The following PARK7 variants were observed in gnomAD, a reference collection of about 807,000 sequenced individuals.
PARK7 encodes Parkinsonism associated deglycase.
A neutral mutation model predicts 20.5 loss-of-function variants in PARK7; 14 were observed. The observed-to-expected ratio is 0.68, with a 90% CI of 0.45 to 1.07. The LOEUF is 1.07. Ranked by LOEUF, PARK7 falls within the 50% of genes least tolerant of loss-of-function variation. PARK7 has a pLI of 0.00. For missense variants in PARK7, 234 were observed against 238.1 expected, an observed-to-expected ratio of 0.98 and a Z score of 0.11; for synonymous variants, 98 against 84.3, an observed-to-expected ratio of 1.16 and a Z score of -0.89.
intron 3 of PARK7, among the ~76,000 whole-genome samples, chr1:7,966,798 T>C (rs1640340546): frequency 6.6e-6 from 1 of 152,234 alleles, no homozygotes; most frequent in African/African-American, 2.4e-5. Context: ...GTGGTTACCT[T>C]TATTTTCAAT....
chr1:7,964,255 C>G (rs932594987), intron 2 of PARK7, among the ~76,000 whole-genome samples: 3 of 152,130 alleles, frequency 2.0e-5, no homozygotes, highest in African/African-American at 7.2e-5. Context: ...GCCGATAAAC[C>G]TTACAACAAT....
chr1:7,966,115 A>G (rs1640321767), intron 3 of PARK7, among the ~76,000 whole-genome samples: 1 of 151,994 alleles, frequency 6.6e-6, no homozygotes, highest in African/African-American at 2.4e-5. Context: ...GCTCCCCCAC[A>G]GGCGCTTTTG....
intron 2 of PARK7, among the ~76,000 whole-genome samples, chr1:7,963,388 T>TC (rs1236208993): frequency 3.4e-5 from 5 of 146,028 alleles, no homozygotes; most frequent in Admixed American, 2.7e-4. Context: ...TTTTTCTTCT[T>TC]TTTTTTTTTT....
chr1:7,969,529 A>T (rs1640411342), intron 4 of PARK7, 125 bp downstream of exon 4: 2 of 767,962 alleles, frequency 2.6e-6, no homozygotes, highest in Non-Finnish European at 4.3e-6. Flanking sequence ...GAGGCTGTGA[A>T]AAAAAAATAG....
intron 5 of PARK7, among the ~76,000 whole-genome samples, chr1:7,974,636 A>G (rs976449487): frequency 2.0e-5 from 3 of 151,770 alleles, no homozygotes; most frequent in Admixed American, 6.6e-5. Flanking sequence ...CTCAAAAAAA[A>G]AAAAATTATA....
chr1:7,970,244 G>A lies in PARK7; in HGVS notation c.253-650G>A, dbSNP rs143244349. On this transcript the variant is annotated intron_variant, in intron 4 of 6. Coordinates refer to ENST00000338639, the MANE Select transcript of PARK7 (RefSeq NM_007262.5). ...GGAAGTAAGCTGAATTGGTGGGACC[G>A]TTATGAACAGATGTCGATGAATACA... is the stretch of plus-strand genomic sequence containing the variant. Among the ~76,000 whole-genome samples, 83 of 152,238 alleles carry A rather than the reference G, an allele frequency of 5.5e-4. 1 individual carries two copies. The highest frequency in any genetic ancestry group is 1.9e-3 in the African/African-American group (79 of 41,546).
intron 5 of PARK7, 29 bp downstream of exon 5, chr1:7,970,992 G>A (rs1640454209): frequency 6.2e-7 from 1 of 1,612,886 alleles, no homozygotes; most frequent in Non-Finnish European, 8.5e-7. Context: ...CTGTGTTGCA[G>A]CGTCATTGGT....
intron 6 of PARK7, chr1:7,982,841 TATTC>T (rs1263333312): frequency 6.6e-6 from 1 of 152,244 alleles, no homozygotes; most frequent in Non-Finnish European, 1.5e-5. Context: ...TTATGTACTC[TATTC>T]ATTTATTTTG....
rs564070053 is a variant in PARK7 at position 7,963,443 on chromosome 1, G to T, written c.90+568G>T. On this transcript the variant is annotated intron_variant, in intron 2 of 6. Coordinates refer to ENST00000338639, the MANE Select transcript of PARK7 (RefSeq NM_007262.5). ...GTGTCGCTCAGCCTGGAACGCAGTG[G>T]TGTGATCTCTGCTCGCTGCAACCTC... 4.2e-4 allele frequency among the ~76,000 whole-genome samples: 64 copies of T among 151,160 alleles called. 2 individuals are homozygous for T. Among genetic ancestry groups the T allele is most frequent in the Admixed American group, 4.6e-4 (7 of 15,162 alleles).
At chr1:7,966,368 T>C (rs535383948) in intron 3 of PARK7, among the ~76,000 whole-genome samples, 1 of 152,000 alleles carries the variant, frequency 6.6e-6, no homozygotes, top group East Asian at 1.9e-4. Flanking sequence ...TATTTACATG[T>C]GATTTGTTGA....
At chr1:7,970,691 T>C (rs1031107912) in intron 4 of PARK7, among the ~76,000 whole-genome samples, 4 of 152,234 alleles carry the variant, frequency 2.6e-5, no homozygotes, top group African/African-American at 7.2e-5. Context: ...GTTTCTCTTA[T>C]GAGAAATGCC....
intron 6 of PARK7, chr1:7,983,109 G>C (rs1285942540): frequency 6.6e-6 from 1 of 152,226 alleles, no homozygotes; most frequent in Non-Finnish European, 1.5e-5. Context: ...GCTTCTGTTT[G>C]AAGGGAGGTT....
chr1:7,970,266 T>C (rs1399822870), intron 4 of PARK7, among the ~76,000 whole-genome samples: 1 of 152,140 alleles, frequency 6.6e-6, no homozygotes, highest in Non-Finnish European at 1.5e-5. Flanking sequence ...TGTCGATGAA[T>C]ACAGTCCAAA....
chr1:7,973,959 G>T (rs1578099057), intron 5 of PARK7, among the ~76,000 whole-genome samples: 1 of 151,416 alleles, frequency 6.6e-6, no homozygotes, highest in Non-Finnish European at 1.5e-5. Flanking sequence ...TTGTGCTGAG[G>T]CTAGATGGAA....
At chr1:7,965,488 A>T in intron 3 of PARK7, 63 bp downstream of exon 3, 1 of 1,447,654 alleles carries the variant, frequency 6.9e-7, no homozygotes, top group African/African-American at 1.4e-5. Flanking sequence ...AAATGTCTTA[A>T]GAGTGTTGTT....
At chr1:7,968,293 ACT>A (rs1170495602) in intron 3 of PARK7, among the ~76,000 whole-genome samples, 2 of 126,874 alleles carry the variant, frequency 1.6e-5, no homozygotes, top group Admixed American at 8.5e-5. Context: ...ACAGAGCAAG[ACT>A]CTGTCTCAAA....
At chr1:7,980,784 T>G (rs1640693758) in intron 6 of PARK7, among the ~76,000 whole-genome samples, 1 of 152,230 alleles carries the variant, frequency 6.6e-6, no homozygotes, top group South Asian at 2.1e-4. Flanking sequence ...GTGAGGCCCT[T>G]GTCCTCACTG....
chr1:7,970,599 T>C (rs932122369), intron 4 of PARK7, among the ~76,000 whole-genome samples: 3 of 152,186 alleles, frequency 2.0e-5, no homozygotes, highest in South Asian at 4.1e-4. Context: ...AAACACCACA[T>C]TCCCTCCCAT....
chr1:7,965,193 G>A, intron 2 of PARK7, 131 bp from the exon 3 acceptor site: 1 of 779,130 alleles, frequency 1.3e-6, no homozygotes, highest in Non-Finnish European at 2.2e-6. Context: ...AGTAAGCTAT[G>A]ATTGTGTCAC....
Sources: gnomAD v4.1 joint callset for allele counts (sites outside exome capture counted in the v4.1 genomes callset) on GRCh38, gnomAD v4.1.1 for gene constraint, MANE v1.5 for transcripts, NCBI Gene and HGNC (gene_info 2026-07-23, HGNC 2026-07-21) for gene names.